Variants in MYRIP observed in about 807,000 individuals in gnomAD.
MYRIP encodes the protein rab effector MyRIP.
A neutral mutation model predicts 98.0 loss-of-function variants in MYRIP; 49 were observed. The observed-to-expected ratio is 0.50, with a 90% CI of 0.40 to 0.63. The LOEUF (loss-of-function observed/expected upper bound fraction) is 0.63. MYRIP is among the 30% of genes least tolerant of loss of function. The pLI is 0.00. For synonymous variants in MYRIP, 404 were observed against 409.5 expected (o/e 0.99, Z 0.16); for missense variants, 1,004 against 1,058.2 (o/e 0.95, Z 0.71).
At chr3:39,862,395 A>G (rs1028946089) in intron 1 of MYRIP, among the ~76,000 whole-genome samples, 4 of 152,240 alleles carry the variant, frequency 2.6e-5, no homozygotes, top group Non-Finnish European at 4.4e-5. Flanking sequence ...GCTTAAATGC[A>G]TAGACCAGTC....
At chr3:40,213,385 C>T (rs1952020185) in intron 11 of MYRIP, among the ~76,000 whole-genome samples, 1 of 152,222 alleles carries the variant, frequency 6.6e-6, no homozygotes, top group South Asian at 2.1e-4. Context: ...ATAAGCTTCA[C>T]TGTCATGAAA....
intron 1 of MYRIP, among the ~76,000 whole-genome samples, chr3:39,814,264 G>A (rs1940801367): frequency 1.3e-5 from 2 of 152,188 alleles, no homozygotes; most frequent in Admixed American, 1.3e-4. Context: ...ATCTTTGGCT[G>A]TGACTGGTAT....
chr3:40,193,316 C>T (rs569557869), intron 10 of MYRIP, among the ~76,000 whole-genome samples: 26 of 152,120 alleles, frequency 1.7e-4, no homozygotes, highest in Non-Finnish European at 2.5e-4. Flanking sequence ...TTATTTTCAC[C>T]TTGCACCATG....
At chr3:40,144,713 T>G (rs1949976791) in intron 3 of MYRIP, among the ~76,000 whole-genome samples, 1 of 152,258 alleles carries the variant, frequency 6.6e-6, no homozygotes, top group African/African-American at 2.4e-5. Context: ...TTTCCTTTAT[T>G]TTCTGTTATA....
At chr3:39,834,791 A>G (rs1317000628) in intron 1 of MYRIP, among the ~76,000 whole-genome samples, 1 of 152,128 alleles carries the variant, frequency 6.6e-6, no homozygotes, top group Non-Finnish European at 1.5e-5. Context: ...AATATAATTT[A>G]TATTATACAT....
intron 1 of MYRIP, chr3:39,810,495 C>G (rs1030329853): frequency 2.6e-5 from 4 of 152,728 alleles, no homozygotes; most frequent in African/African-American, 9.6e-5. Flanking sequence ...TCAGCTTCAT[C>G]CCGGGTTCCT....
At chr3:39,869,681 G>A (rs1241219246) in intron 1 of MYRIP, among the ~76,000 whole-genome samples, 1 of 152,002 alleles carries the variant, frequency 6.6e-6, no homozygotes, top group Non-Finnish European at 1.5e-5. Flanking sequence ...CTGTAACATG[G>A]GACTATGATT....
At chr3:40,115,198 C>T (rs972192181) in intron 3 of MYRIP, among the ~76,000 whole-genome samples, 1 of 152,126 alleles carries the variant, frequency 6.6e-6, no homozygotes, top group African/African-American at 2.4e-5. Flanking sequence ...ACAAATGTCT[C>T]ATTCCTACTC....
intron 3 of MYRIP, among the ~76,000 whole-genome samples, chr3:40,078,108 G>C (rs1011056042): frequency 6.6e-6 from 1 of 152,376 alleles, no homozygotes; most frequent in African/African-American, 2.4e-5. Flanking sequence ...GAAATCTAGC[G>C]CAGCGCCGGT....
chr3:40,075,007 A>T (rs1483786263), intron 3 of MYRIP, among the ~76,000 whole-genome samples: 1 of 152,224 alleles, frequency 6.6e-6, no homozygotes. Context: ...GGACATGTGA[A>T]ATAAGTAGGT....
chr3:40,222,060 A>T (rs1952352341), intron 11 of MYRIP, among the ~76,000 whole-genome samples: 1 of 152,152 alleles, frequency 6.6e-6, no homozygotes, highest in African/African-American at 2.4e-5. Flanking sequence ...CCCAGGAAAG[A>T]ATTCAAGGGT....
At position 39,935,653 on chromosome 3, in the gene MYRIP, G is replaced by A. The variant is rs569314644; in HGVS notation, c.110+34727G>A. On this transcript the variant is annotated intron_variant, in intron 2 of 16. Coordinates refer to ENST00000302541, the MANE Select transcript of MYRIP (RefSeq NM_015460.4). The stretch of plus-strand genomic sequence containing the variant: ...AGAAACATCATGAAAATAAGGAAAA[G>A]TATTATAATTCTTCTGTGAGCAATA... 3.9e-5 allele frequency among the ~76,000 whole-genome samples: 6 copies of A among 152,232 alleles called. 1 individual carries two copies. The South Asian group carries it at 1.2e-3, about 32-fold the overall frequency.
intron 3 of MYRIP, among the ~76,000 whole-genome samples, chr3:40,118,752 C>T (rs1351990449): frequency 6.6e-6 from 1 of 151,982 alleles, no homozygotes; most frequent in African/African-American, 2.4e-5. Context: ...TCCCTCCCCC[C>T]TCCTCCCGCC....
chr3:39,818,626 T>C (rs1006361819), intron 1 of MYRIP, among the ~76,000 whole-genome samples: 3 of 152,246 alleles, frequency 2.0e-5, no homozygotes, highest in Admixed American at 2.0e-4. Context: ...TAAGTTTTTC[T>C]ATGATAGACT....
chr3:40,106,852 C>T (rs1949058049), intron 3 of MYRIP, among the ~76,000 whole-genome samples: 1 of 152,056 alleles, frequency 6.6e-6, no homozygotes, highest in Non-Finnish European at 1.5e-5. Flanking sequence ...GATTTGCCCT[C>T]CTTTTTTCTT....
At chr3:39,880,117 T>G (rs1343356981) in intron 1 of MYRIP, among the ~76,000 whole-genome samples, 1 of 152,164 alleles carries the variant, frequency 6.6e-6, no homozygotes, top group African/African-American at 2.4e-5. Flanking sequence ...GCAGGTTTGT[T>G]ACATATGTAT....
intron 13 of MYRIP, among the ~76,000 whole-genome samples, chr3:40,245,412 G>A (rs972024472): frequency 2.6e-5 from 4 of 151,758 alleles, no homozygotes; most frequent in African/African-American, 9.7e-5. Flanking sequence ...CACTTTGGGA[G>A]GCCGAGGCGG....
rs532394755 is a variant in MYRIP at position 39,942,887 on chromosome 3, A to G, written c.110+41961A>G. The stretch of plus-strand genomic sequence containing the variant: ...TGAAATTCGCTTTTTAAACTCCCAC[A>G]TATGATATGAGTGAGTGCATGCAAC... On this transcript the variant is annotated intron_variant, in intron 2 of 16. Transcript: ENST00000302541. 5.0e-4 allele frequency among the ~76,000 whole-genome samples: 76 copies of G among 152,246 alleles called. 1 individual carries two copies. Among genetic ancestry groups the G allele is most frequent in the African/African-American group, 1.8e-3 (74 of 41,558 alleles).
At chr3:40,103,672 T>C (rs1472041945) in intron 3 of MYRIP, among the ~76,000 whole-genome samples, 2 of 152,104 alleles carry the variant, frequency 1.3e-5, no homozygotes, top group Non-Finnish European at 2.9e-5. Context: ...GACAGGAGAA[T>C]CGCTTGAACC....
Sources: allele counts gnomAD v4.1 joint callset (sites outside exome capture counted in the v4.1 genomes callset), GRCh38; gene constraint gnomAD v4.1.1; transcripts MANE v1.5; gene names NCBI Gene and HGNC (gene_info 2026-07-23, HGNC 2026-07-21).